EBLN2: variants seen among roughly 807,000 people sequenced by gnomAD.
EBLN2 encodes the protein endogenous Bornavirus-like nucleoprotein 2.
For missense variants in EBLN2, 397 were observed against 324.2 expected (o/e 1.22, Z -1.72); for synonymous variants, 131 against 113.6 (o/e 1.15, Z -0.97).
Position 73,062,297 on chromosome 3 carries a change from C to G in EBLN2, c.216C>G (p.Asp72Glu), listed in dbSNP as rs554806348. The G allele has an allele frequency of 7.5e-6, 12 of 1,607,662 alleles. No homozygotes were observed. The highest frequency in any genetic ancestry group is 4.5e-5 in the South Asian group (4 of 89,710). Residue 72 changes from aspartate (D) to glutamate (E), a missense_variant, in exon 1 of 1, where the codon GAC (aspartate) becomes GAG (glutamate). Coordinates refer to ENST00000533473, the MANE Select transcript of EBLN2 (RefSeq NM_018029.4). ...CAATGGACAGGAGTGGGCTCCCTGACCTTCAAGGAAGATTTGAGCTATCTG... is the reference window on the plus strand; with the variant it reads ...CAATGGACAGGAGTGGGCTCCCTGAGCTTCAAGGAAGATTTGAGCTATCTG... ...DDAMDRSGLPDLQGRFELSGK... is the reference protein window; with the variant it reads ...DDAMDRSGLPELQGRFELSGK...
Position 73,062,779 on chromosome 3 carries a change from G to C in EBLN2, c.698G>C (p.Ser233Thr), listed in dbSNP as rs755558923. Residue 233 changes from serine to threonine, a missense_variant, in exon 1 of 1, where the codon AGC becomes ACC. By Grantham distance (58) the Ser-to-Thr change is moderately conservative. Transcript: ENST00000533473. Reference sequence around the variant, plus strand: ...GGTGAGAGTGCTGATCTGCTAATCAGCTGCAATGCAGAATCAGCCATAGGT... The same window carrying C: ...GGTGAGAGTGCTGATCTGCTAATCACCTGCAATGCAGAATCAGCCATAGGT... ...SHGESADLLI[S>T]CNAESAIGWI... The C allele has an allele frequency of 1.2e-6, 2 of 1,613,970 alleles. No homozygotes were observed. Among genetic ancestry groups the C allele is most frequent in the South Asian group, 2.2e-5 (2 of 91,078 alleles).
Position 73,062,529 on chromosome 3 carries a change from A to G in EBLN2, c.448A>G (p.Asn150Asp). 6.2e-7 allele frequency: 1 copy of G among 1,613,946 alleles called. No homozygotes were observed. Reference protein sequence around the residue: ...LLSVGVSKRSNTVVGNENEER... With the variant: ...LLSVGVSKRSDTVVGNENEER... ...GAGTGTTGGTGTGAGCAAGAGGTCT[A>G]ATACTGTGGTTGGGAATGAGAACGA... The change falls in exon 1 of 1, where the codon AAT becomes GAT. Residue 150 changes from asparagine (N) to aspartate (D), a missense_variant. Physicochemically the swap from Asn to Asp is conservative, Grantham distance 23 (BLOSUM62 1). Coordinates refer to ENST00000533473, the MANE Select transcript of EBLN2 (RefSeq NM_018029.4).
rs369511596 is a variant in EBLN2, at chr3:73,062,600, C to T, written c.519C>T (p.Asn173=). ...CTAGCAGATTCAAAGATATGCCTAA[C>T]TTTATTGCCCTTGAGAAGTCATCAG... ...PYASRFKDMP[N]FIALEKSSVL... The change falls in exon 1 of 1, where the codon AAC becomes AAT. Residue 173 remains asparagine (N), a synonymous_variant. Transcript: ENST00000533473. The T allele has an allele frequency of 1.0e-4, 169 of 1,613,988 alleles. 1 individual carries two copies. Among genetic ancestry groups the T allele is most frequent in the African/African-American group, 8.3e-4 (62 of 75,044 alleles).
Position 73,062,085 on chromosome 3 carries a change from G to A in EBLN2, c.4G>A (p.Gly2Ser). ...AGTCAAGTCATAGCGACTAATAATGGGTTATTTTCTTAAATTGTATGCTTA... is the reference window on the plus strand; with the variant it reads ...AGTCAAGTCATAGCGACTAATAATGAGTTATTTTCTTAAATTGTATGCTTA... M[G>S]YFLKLYAYVN... is the part of the protein sequence containing the mutation. The change falls in exon 1 of 1, where the codon GGT (glycine) becomes AGT (serine). Residue 2 changes from glycine to serine, a missense_variant. Physicochemically the swap from Gly to Ser is moderately conservative, Grantham distance 56. Transcript: ENST00000533473. The A allele has an allele frequency of 6.5e-7, 1 of 1,535,876 alleles. No individual in the cohort carries two copies. The highest frequency in any genetic ancestry group is 8.8e-7 in the Non-Finnish European group (1 of 1,142,284).
chr3:73,063,072 A>G lies in EBLN2; in HGVS notation c.*172A>G. 1.5e-6 allele frequency: 1 copy of G among 656,068 alleles called. No individual in the cohort carries two copies. Among genetic ancestry groups the G allele is most frequent in the South Asian group, 2.2e-5 (1 of 45,570 alleles). 40.6% of individuals were successfully genotyped at this position (656,068 alleles called of 1,614,324 possible). A position where few individuals can be genotyped will look rare whatever the true frequency, so the allele number is the denominator to read the frequency against. On this transcript the variant is annotated 3_prime_UTR_variant, in exon 1 of 1. Coordinates refer to ENST00000533473, the MANE Select transcript of EBLN2 (RefSeq NM_018029.4). ...GGAAATATTTTGAGTTTGGGGGTGT[A>G]CTTTGCCACCCCATTATTGGGGAGC...
rs1199392080 is a variant in EBLN2 at position 73,062,005 on chromosome 3, G to A, written c.-77G>A. The A allele has an allele frequency of 9.5e-7, 1 of 1,052,116 alleles. No homozygotes were observed. Among genetic ancestry groups the A allele is most frequent in the Non-Finnish European group, 1.4e-6 (1 of 740,366 alleles). 65.2% of individuals were successfully genotyped at this position (1,052,116 alleles called of 1,614,324 possible). On this transcript the variant is annotated 5_prime_UTR_variant, in exon 1 of 1. It removes an upstream start codon present in the reference 5' UTR. Coordinates refer to ENST00000533473, the MANE Select transcript of EBLN2 (RefSeq NM_018029.4). ...AAATTTCTTTTATGAAGCAAAATAT[G>A]TTTTGTTTTGCTCATGAACGTGAGG...
the EBLN2 span, chr3:73,062,698 T>TC: frequency 6.2e-7 from 1 of 1,614,004 alleles, no homozygotes; most frequent in Non-Finnish European, 8.5e-7. Context: ...ACCAGCAGTC[T>TC]CCAAGTTCAG....
rs542785194 is a variant in EBLN2, at chr3:73,062,098, A to G, written c.17A>G (p.Lys6Arg). The change falls in exon 1 of 1, where the codon AAA (lysine) becomes AGA (arginine). Residue 6 changes from lysine (K) to arginine (R), a missense_variant. Transcript: ENST00000533473. ...CGACTAATAATGGGTTATTTTCTTAAATTGTATGCTTATGTTAATTCTCAC... is the reference window on the plus strand; with the variant it reads ...CGACTAATAATGGGTTATTTTCTTAGATTGTATGCTTATGTTAATTCTCAC... MGYFLKLYAYVNSHSL... is the reference protein window; with the variant it reads MGYFLRLYAYVNSHSL... 315 of 1,540,674 alleles carry G rather than the reference A, an allele frequency of 2.0e-4. No homozygotes were observed. Among genetic ancestry groups the G allele is most frequent in the Non-Finnish European group, 2.5e-4 (283 of 1,144,792 alleles).
At position 73,062,993 on chromosome 3, in the gene EBLN2, G is replaced by A; in HGVS notation, c.*93G>A. Reference sequence around the variant, plus strand: ...GCTCCATTGCTCTACGGGCCATTGTGTCTGAGATCCCAGTCTTTGAGGAGA... The same window carrying A: ...GCTCCATTGCTCTACGGGCCATTGTATCTGAGATCCCAGTCTTTGAGGAGA... On this transcript the variant is annotated 3_prime_UTR_variant, in exon 1 of 1. Coordinates refer to ENST00000533473, the MANE Select transcript of EBLN2 (RefSeq NM_018029.4). 1 of 1,101,648 alleles carries A rather than the reference G, an allele frequency of 9.1e-7. No individual in the cohort carries two copies. The highest frequency in any genetic ancestry group is 1.3e-6 in the Non-Finnish European group (1 of 751,392). 68.2% of individuals were successfully genotyped at this position (1,101,648 alleles called of 1,614,324 possible).
chr3:73,062,299 T>G lies in EBLN2; in HGVS notation c.218T>G (p.Leu73Arg), dbSNP rs1453772297. The G allele has an allele frequency of 6.2e-7, 1 of 1,607,678 alleles. No homozygotes were observed. The highest frequency in any genetic ancestry group is 8.5e-7 in the Non-Finnish European group (1 of 1,178,098). The change falls in exon 1 of 1, where the codon CTT (leucine) becomes CGT (arginine). Residue 73 changes from leucine to arginine, a missense_variant. By Grantham distance (102) the Leu-to-Arg change is moderately radical. Transcript: ENST00000533473. ...DAMDRSGLPD[L>R]QGRFELSGKN... ...ATGGACAGGAGTGGGCTCCCTGACCTTCAAGGAAGATTTGAGCTATCTGGG... is the reference window on the plus strand; with the variant it reads ...ATGGACAGGAGTGGGCTCCCTGACCGTCAAGGAAGATTTGAGCTATCTGGG...
At chr3:73,062,424 CATAA>C in the EBLN2 span, 1 of 1,611,406 alleles carries the variant, frequency 6.2e-7, no homozygotes, top group Non-Finnish European at 8.5e-7. Flanking sequence ...AGACCCAGCA[CATAA>C]ATCTCATTTC....
In EBLN2 at chr3:73,062,847, C is replaced by T. The variant is rs1060584; in HGVS notation, c.766C>T (p.Leu256Phe). 0.52 allele frequency: 831,723 copies of T among 1,610,910 alleles called. 216,994 individuals carry two copies. Among genetic ancestry groups the T allele is most frequent in the African/African-American group, 0.62 (46,744 of 74,874 alleles). ...ATGGGTTGGAGAATTAATGTTCACA[C>T]TTCTATTTGGAGACTTTGAATCCCC... is the stretch of plus-strand genomic sequence containing the variant. The part of the protein sequence containing the change: ...RPWVGELMFT[L>F]LFGDFESPLH... Residue 256 changes from leucine to phenylalanine, a missense_variant, in exon 1 of 1, where the codon CTT (leucine) becomes TTT (phenylalanine). Transcript: ENST00000533473.
the EBLN2 span, chr3:73,062,839 TG>T: frequency 6.2e-7 from 1 of 1,613,894 alleles, no homozygotes; most frequent in Non-Finnish European, 8.5e-7. Context: ...GGAGAATTAA[TG>T]TTCACACTTC....
At position 73,062,383 on chromosome 3, in the gene EBLN2, A is replaced by C; in HGVS notation, c.302A>C (p.Lys101Thr). ...CCCCAACCCAGCATTGGGGATATTAAGGACATTAAAAAAGCAGCCAAGTCT... is the reference window on the plus strand; with the variant it reads ...CCCCAACCCAGCATTGGGGATATTACGGACATTAAAAAAGCAGCCAAGTCT... ...LEPQPSIGDI[K>T]DIKKAAKSML... is the part of the protein sequence containing the mutation. Residue 101 changes from lysine to threonine, a missense_variant, in exon 1 of 1, where the codon AAG becomes ACG. By Grantham distance (78) the Lys-to-Thr change is moderately conservative. Coordinates refer to ENST00000533473, the MANE Select transcript of EBLN2 (RefSeq NM_018029.4). 6.2e-7 allele frequency: 1 copy of C among 1,607,284 alleles called. No homozygotes were observed. The highest frequency in any genetic ancestry group is 8.5e-7 in the Non-Finnish European group (1 of 1,178,132).
rs1702885634 is a variant in EBLN2, at chr3:73,062,492, C to T, written c.411C>T (p.His137=). 6.2e-7 allele frequency: 1 copy of T among 1,613,410 alleles called. No individual in the cohort carries two copies. The highest frequency in any genetic ancestry group is 1.7e-5 in the Admixed American group (1 of 59,894). ...VFLCFIFDGL[H]QALLSVGVSK... Reference sequence around the variant, plus strand: ...TGTGTTTCATATTTGATGGGTTACACCAGGCATTACTGAGTGTTGGTGTGA... The same window carrying T: ...TGTGTTTCATATTTGATGGGTTACATCAGGCATTACTGAGTGTTGGTGTGA... Residue 137 remains histidine (H), a synonymous_variant, in exon 1 of 1, where the codon CAC becomes CAT. Transcript: ENST00000533473.
In EBLN2 at chr3:73,062,407, C is replaced by T. The variant is rs1702882969; in HGVS notation, c.326C>T (p.Ser109Phe). 1 of 1,607,096 alleles carries T rather than the reference C, an allele frequency of 6.2e-7. No homozygotes were observed. The highest frequency in any genetic ancestry group is 1.3e-5 in the African/African-American group (1 of 74,556). ...DIKDIKKAAK[S>F]MLDPAHKSHF... ...AAGGACATTAAAAAAGCAGCCAAGT[C>T]TATGCTAGACCCAGCACATAAATCT... The change falls in exon 1 of 1, where the codon TCT becomes TTT. Residue 109 changes from serine (S) to phenylalanine (F), a missense_variant. By Grantham distance (155) the Ser-to-Phe change is radical. Transcript: ENST00000533473.
chr3:73,063,030 G>C lies in EBLN2; in HGVS notation c.*130G>C, dbSNP rs1372971830. ...AGTCTTTGAGGAGAAAAAAAACAAT[G>C]GTTAAAAAGGCATTGGGGAAATATT... On this transcript the variant is annotated 3_prime_UTR_variant, in exon 1 of 1. Transcript: ENST00000533473. 1.1e-6 allele frequency: 1 copy of C among 872,262 alleles called. No homozygotes were observed. Among genetic ancestry groups the C allele is most frequent in the African/African-American group, 1.7e-5 (1 of 57,740 alleles). The allele number at this position is 872,262 out of a possible 1,614,324, so 54.0% of individuals were successfully genotyped here. A position where few individuals can be genotyped will look rare whatever the true frequency, so the allele number is the denominator to read the frequency against.
rs753124726 is a variant in EBLN2 at position 73,062,069 on chromosome 3, A to T, written c.-13A>T. On this transcript the variant is annotated 5_prime_UTR_variant, in exon 1 of 1. Coordinates refer to ENST00000533473, the MANE Select transcript of EBLN2 (RefSeq NM_018029.4). Reference sequence around the variant, plus strand: ...TGGTAAAGAAGTGCAGAGTCAAGTCATAGCGACTAATAATGGGTTATTTTC... The same window carrying T: ...TGGTAAAGAAGTGCAGAGTCAAGTCTTAGCGACTAATAATGGGTTATTTTC... The T allele has an allele frequency of 6.6e-7, 1 of 1,513,492 alleles. No individual in the cohort carries two copies. The highest frequency in any genetic ancestry group is 8.9e-7 in the Non-Finnish European group (1 of 1,128,728). 93.8% of individuals were successfully genotyped at this position (1,513,492 alleles called of 1,614,324 possible).
Position 73,063,107 on chromosome 3 carries a change from G to C in EBLN2, c.*207G>C, listed in dbSNP as rs1389482329. 1 of 563,516 alleles carries C rather than the reference G, an allele frequency of 1.8e-6. No individual in the cohort carries two copies. Among genetic ancestry groups the C allele is most frequent in the East Asian group, 3.3e-5 (1 of 30,506 alleles). The allele number at this position is 563,516 out of a possible 1,614,324, so 34.9% of individuals were successfully genotyped here. On this transcript the variant is annotated 3_prime_UTR_variant, in exon 1 of 1. Transcript: ENST00000533473. ...CCCATTATTGGGGAGCTGTCACCAC[G>C]AATGTTCCCAAACTTAGCAACAGCG...
Sources: allele counts gnomAD v4.1 joint callset, GRCh38; gene constraint gnomAD v4.1.1; transcripts MANE v1.5; gene names NCBI Gene and HGNC (gene_info 2026-07-23, HGNC 2026-07-21).